ATXN2: variants seen among roughly 807,000 people sequenced by gnomAD.
ATXN2 encodes ataxin-2.
ATXN2 carries 37 observed loss-of-function variants against 138.6 expected under a neutral mutation model. The observed-to-expected ratio is 0.27, with a 90% confidence interval of 0.21 to 0.35. ATXN2 has a LOEUF of 0.35. Ranked by LOEUF, ATXN2 falls within the 10% of genes least tolerant of loss-of-function variation. The probability of loss-of-function intolerance (pLI) is 1.00; values close to 1 mark genes in which losing one functional copy is unlikely to be tolerated. For synonymous variants in ATXN2, 549 were observed against 543.7 expected, an observed-to-expected ratio of 1.01 and a Z score of -0.13; for missense variants, 1,216 against 1,480.3, an observed-to-expected ratio of 0.82 and a Z score of 2.93.
At chr12:111,475,928 T>C (rs533153180) in intron 18 of ATXN2, among the ~76,000 whole-genome samples, 1 of 152,148 alleles carries the variant, frequency 6.6e-6, no homozygotes, top group South Asian at 2.1e-4. Context: ...GGAATTACAT[T>C]ATTATCTATC....
At chr12:111,585,235 G>A (rs183720202) in intron 1 of ATXN2, among the ~76,000 whole-genome samples, 79 of 152,254 alleles carry the variant, frequency 5.2e-4, no homozygotes, top group African/African-American at 1.4e-3. Context: ...CTCCCAGGCC[G>A]GGAGTGGTGG....
chr12:111,519,385 T>C (rs942049104), intron 8 of ATXN2, among the ~76,000 whole-genome samples: 10 of 152,178 alleles, frequency 6.6e-5, no homozygotes, highest in Admixed American at 3.3e-4. Context: ...AATTTTCTCA[T>C]AGCCATGCTT....
intron 5 of ATXN2, among the ~76,000 whole-genome samples, chr12:111,538,742 T>G (rs1221953747): frequency 6.7e-6 from 1 of 150,332 alleles, no homozygotes; most frequent in Non-Finnish European, 1.5e-5. Context: ...ATGGTATCAG[T>G]TAAAATGGTG....
intron 21 of ATXN2, among the ~76,000 whole-genome samples, chr12:111,464,247 G>GGGGTGTGTGTGTGTGTGT (rs71445545): frequency 2.2e-5 from 3 of 134,716 alleles, no homozygotes; most frequent in Admixed American, 7.5e-5. Context: ...TGTGGCTTGG[G>GGGGTGTGTGTGTGTGTGT]GTGTGTGTGT....
At chr12:111,499,029 C>T (rs1400904636) in intron 14 of ATXN2, among the ~76,000 whole-genome samples, 1 of 151,902 alleles carries the variant, frequency 6.6e-6, no homozygotes, top group African/African-American at 2.4e-5. Flanking sequence ...CTGTGTCCCA[C>T]CATATTAAAA....
chr12:111,453,648 C>A lies in ATXN2; in HGVS notation c.3439+29G>T. The A allele has an allele frequency of 6.6e-7, 1 of 1,519,100 alleles. No individual in the cohort carries two copies. Among genetic ancestry groups the A allele is most frequent in the East Asian group, 2.4e-5 (1 of 42,542 alleles). 94.1% of individuals were successfully genotyped at this position (1,519,100 alleles called of 1,614,324 possible). On this transcript the variant is annotated intron_variant, in intron 24 of 24. Transcript: ENST00000673436. This position sits in a 1 kb window ranked among gnomAD's most constrained non-coding sequence, Gnocchi z 5.4. ...TGCGAGCAGAATGCTTTGGGGTGCC[C>A]CGGCGGCCCCTGCACACACACGCCT...
chr12:111,598,164 G>C lies in ATXN2; in HGVS notation c.251+620C>G. On this transcript the variant is annotated intron_variant, in intron 1 of 24. Transcript: ENST00000673436. The surrounding 1 kb of genome is among the most constrained non-coding windows in gnomAD (Gnocchi z 4.5). ...GACACGAACGCAGAGGGGTGCGGGGGCCAAGGCCCACTTGTCTCCACCCCG... is the reference window on the plus strand; with the variant it reads ...GACACGAACGCAGAGGGGTGCGGGGCCCAAGGCCCACTTGTCTCCACCCCG... 9.2e-7 allele frequency: 1 copy of C among 1,092,148 alleles called. No individual in the cohort carries two copies. The highest frequency in any genetic ancestry group is 1.1e-6 in the Non-Finnish European group (1 of 889,514). The allele number at this position is 1,092,148 out of a possible 1,614,324, so 67.7% of individuals were successfully genotyped here.
rs201459505 is a variant in ATXN2 at position 111,462,967 on chromosome 12, T to TACACAC, written c.2896+1694_2896+1695insGTGTGT. 5.1e-3 allele frequency among the ~76,000 whole-genome samples: 691 copies of TACACAC among 134,638 alleles called. 6 individuals carry two copies. Among genetic ancestry groups the TACACAC allele is most frequent in the African/African-American group, 0.019 (669 of 34,406 alleles). 88.3% of individuals were successfully genotyped at this position (134,638 alleles called of 152,430 possible). On this transcript the variant is annotated intron_variant, in intron 21 of 24. Coordinates refer to ENST00000673436, the MANE Select transcript of ATXN2 (RefSeq NM_001372574.1). ...TAAATTATATATACACACATACATA[T>TACACAC]ATATATATATACACACACACACACA... is the stretch of plus-strand genomic sequence containing the variant.
chr12:111,534,897 G>A (rs1164527055), intron 5 of ATXN2, among the ~76,000 whole-genome samples: 1 of 152,162 alleles, frequency 6.6e-6, no homozygotes, highest in Non-Finnish European at 1.5e-5. Context: ...CACTTGGGGA[G>A]GCTGAGATGG....
At chr12:111,574,489 G>A (rs528896039) in intron 1 of ATXN2, among the ~76,000 whole-genome samples, 1 of 151,672 alleles carries the variant, frequency 6.6e-6, no homozygotes, top group Non-Finnish European at 1.5e-5. Flanking sequence ...ATACAGTGGC[G>A]CAATCATAGC....
intron 1 of ATXN2, among the ~76,000 whole-genome samples, chr12:111,563,178 C>T (rs1424672498): frequency 6.6e-6 from 1 of 152,022 alleles, no homozygotes; most frequent in Admixed American, 6.5e-5. Flanking sequence ...TCATAAAAGA[C>T]AAAGAAACTG....
chr12:111,526,172 A>G (rs1386595697), intron 5 of ATXN2, among the ~76,000 whole-genome samples: 2 of 151,278 alleles, frequency 1.3e-5, no homozygotes, highest in Non-Finnish European at 2.9e-5. Flanking sequence ...CCTGGCCAAC[A>G]TGGTGAAACC....
chr12:111,586,875 C>T (rs919108141), intron 1 of ATXN2, among the ~76,000 whole-genome samples: 1 of 152,078 alleles, frequency 6.6e-6, no homozygotes, highest in African/African-American at 2.4e-5. Flanking sequence ...GTTAATATAT[C>T]TGCCTCTGAA....
At chr12:111,524,473 T>C (rs550728041) in intron 6 of ATXN2, among the ~76,000 whole-genome samples, 1 of 152,304 alleles carries the variant, frequency 6.6e-6, no homozygotes, top group South Asian at 2.1e-4. Context: ...TTTATTTTTA[T>C]TTCTTAGAGA....
chr12:111,567,122 G>A (rs956201713), intron 1 of ATXN2, among the ~76,000 whole-genome samples: 3 of 151,840 alleles, frequency 2.0e-5, no homozygotes, highest in Non-Finnish European at 4.4e-5. Context: ...TCATGGATAA[G>A]CAAAGAAAGT....
Position 111,552,270 on chromosome 12 carries a change from C to A in ATXN2, c.571+10G>T. ...AAACCATGAGGCATATTTAGGAAATCAAAACCCACCTCTTTTTGCATAACT... is the reference window on the plus strand; with the variant it reads ...AAACCATGAGGCATATTTAGGAAATAAAAACCCACCTCTTTTTGCATAACT... On this transcript the variant is annotated intron_variant, in intron 5 of 24. Transcript: ENST00000673436. This position sits in a 1 kb window ranked among gnomAD's most constrained non-coding sequence, Gnocchi z 4.1. 1 of 1,581,120 alleles carries A rather than the reference C, an allele frequency of 6.3e-7. No homozygotes were observed. Among genetic ancestry groups the A allele is most frequent in the South Asian group, 1.2e-5 (1 of 85,758 alleles).
At chr12:111,519,770 C>A in intron 8 of ATXN2, 109 bp downstream of exon 8, 1 of 1,537,744 alleles carries the variant, frequency 6.5e-7, no homozygotes, top group Non-Finnish European at 8.8e-7. Flanking sequence ...TACTTGCATT[C>A]TCTACCTAAG....
In ATXN2 at chr12:111,552,979, TA is replaced by T; in HGVS notation, c.349-3del. ...CACTTGTACTTCACATTTGGAGCCC[TA>T]AAAACATATAATTTATTTATCAAAG... On this transcript the variant is annotated splice_polypyrimidine_tract_variant and splice_region_variant and intron_variant, in intron 3 of 24. Coordinates refer to ENST00000673436, the MANE Select transcript of ATXN2 (RefSeq NM_001372574.1). The surrounding 1 kb of genome is among the most constrained non-coding windows in gnomAD (Gnocchi z 4.1). 1 of 1,527,944 alleles carries T rather than the reference TA, an allele frequency of 6.5e-7. No homozygotes were observed. The highest frequency in any genetic ancestry group is 8.8e-7 in the Non-Finnish European group (1 of 1,137,058). The allele number at this position is 1,527,944 out of a possible 1,614,324, so 94.6% of individuals were successfully genotyped here. A position where few individuals can be genotyped will look rare whatever the true frequency, so the allele number is the denominator to read the frequency against.
intron 21 of ATXN2, among the ~76,000 whole-genome samples, chr12:111,458,968 G>A (rs1334805056): frequency 6.6e-6 from 1 of 152,230 alleles, no homozygotes; most frequent in Non-Finnish European, 1.5e-5. Context: ...GCAGGGGAAA[G>A]GGCAAGGCAA....
Sources: allele counts gnomAD v4.1 joint callset (sites outside exome capture counted in the v4.1 genomes callset), GRCh38; gene constraint gnomAD v4.1.1; non-coding constraint Gnocchi (gnomAD v3.1); transcripts MANE v1.5; gene names NCBI Gene and HGNC (gene_info 2026-07-23, HGNC 2026-07-21).